The following ABCA12 variants were observed in gnomAD, a reference collection of about 807,000 sequenced individuals.
ABCA12 encodes the protein glucosylceramide transporter ABCA12.
A neutral mutation model predicts 293.5 loss-of-function variants in ABCA12; 156 were observed. That is an observed-to-expected ratio of 0.53 (90% CI 0.47 to 0.61). ABCA12 has a LOEUF of 0.61. ABCA12 is among the 20% of genes least tolerant of loss of function. The pLI, the probability that ABCA12 is intolerant of heterozygous loss-of-function variation, is 0.00. For synonymous variants in ABCA12, 1,063 were observed against 1,108.0 expected (o/e 0.96, Z 0.81); for missense variants, 2,797 against 3,090.2 (o/e 0.91, Z 2.25).
intron 19 of ABCA12, among the ~76,000 whole-genome samples, chr2:215,007,001 G>A (rs982303787): frequency 1.4e-5 from 2 of 148,088 alleles, no homozygotes; most frequent in African/African-American, 2.5e-5. Flanking sequence ...TCAGCCTCCC[G>A]AGTAATTGGG....
chr2:214,945,229 T>C, intron 48 of ABCA12, 125 bp from the exon 49 acceptor site: 1 of 762,130 alleles, frequency 1.3e-6, no homozygotes, highest in Non-Finnish European at 2.2e-6. Context: ...GACTAACTTG[T>C]TTTATACTTA....
intron 50 of ABCA12, among the ~76,000 whole-genome samples, chr2:214,939,764 G>A (rs1471736438): frequency 2.0e-5 from 3 of 151,938 alleles, no homozygotes; most frequent in Non-Finnish European, 4.4e-5. Context: ...GGTTCTGTTT[G>A]TCTATTATTG....
chr2:214,968,892 C>CTTT, intron 37 of ABCA12, 85 bp from the exon 38 acceptor site: 1 of 1,169,008 alleles, frequency 8.6e-7, no homozygotes, highest in Non-Finnish European at 1.3e-6. Context: ...AGGAGCTCAA[C>CTTT]TTTTTGTTTC....
In ABCA12 at chr2:214,932,649, G is replaced by A. The variant is rs1698094916; in HGVS notation, c.7773C>T (p.Asp2591=). The A allele has an allele frequency of 1.2e-6, 2 of 1,612,448 alleles. No homozygotes were observed. Among genetic ancestry groups the A allele is most frequent in the African/African-American group, 2.7e-5 (2 of 74,848 alleles). ...GCTGGAAGTGTTAAGACTCCATCTG[G>A]TCATCTTGTGAGTCAACACTTATAG... ...GSTISVDSQD[D]QMES Residue 2591 remains aspartate (D), a synonymous_variant, in exon 53 of 53, where the codon GAC becomes GAT. Transcript: ENST00000272895.
chr2:214,960,658 T>C (rs1054316123), intron 39 of ABCA12: 3 of 152,102 alleles, frequency 2.0e-5, no homozygotes, highest in Non-Finnish European at 4.4e-5. Flanking sequence ...ACATATAATG[T>C]ATATTAAAAA....
chr2:214,932,602 G>GTCAC lies in ABCA12; in HGVS notation c.*28_*31dup, dbSNP rs1221286957. 6.7e-7 allele frequency: 1 copy of GTCAC among 1,493,760 alleles called. No individual in the cohort carries two copies. Among genetic ancestry groups the GTCAC allele is most frequent in the Non-Finnish European group, 9.3e-7 (1 of 1,071,066 alleles). The allele number at this position is 1,493,760 out of a possible 1,614,324, so 92.5% of individuals were successfully genotyped here. A position where few individuals can be genotyped will look rare whatever the true frequency, so the allele number is the denominator to read the frequency against. On this transcript the variant is annotated 3_prime_UTR_variant, in exon 53 of 53. Transcript: ENST00000272895. Reference sequence around the variant, plus strand: ...GCTTTTCTTCAAAATGAAGCCATTGGTCACACGCTGAGATTGAGTTTGCTG... The same window carrying GTCAC: ...GCTTTTCTTCAAAATGAAGCCATTGGTCACTCACACGCTGAGATTGAGTTTGCTG...
At chr2:214,945,856 G>A (rs574450718) in intron 48 of ABCA12, among the ~76,000 whole-genome samples, 2 of 152,222 alleles carry the variant, frequency 1.3e-5, no homozygotes, top group East Asian at 3.9e-4. Flanking sequence ...AAAGGAATGG[G>A]TTATGTGGAA....
intron 6 of ABCA12, among the ~76,000 whole-genome samples, chr2:215,046,226 G>T (rs1191563617): frequency 1.3e-5 from 2 of 151,860 alleles, no homozygotes; most frequent in Non-Finnish European, 2.9e-5. Context: ...TGTAACTCCA[G>T]AAATTGGCAT....
At chr2:214,971,895 G>C (rs1159910340) in intron 36 of ABCA12, among the ~76,000 whole-genome samples, 2 of 152,132 alleles carry the variant, frequency 1.3e-5, no homozygotes, top group Non-Finnish European at 2.9e-5. Context: ...AGTTCTGGTT[G>C]CTGCATATTT....
intron 1 of ABCA12, among the ~76,000 whole-genome samples, chr2:215,112,029 C>G (rs1702580987): frequency 6.6e-6 from 1 of 152,096 alleles, no homozygotes; most frequent in South Asian, 2.1e-4. Flanking sequence ...TTTCCCACTT[C>G]CCTATTGGAT....
chr2:215,060,433 A>G (rs1177152245), intron 3 of ABCA12, among the ~76,000 whole-genome samples: 4 of 151,914 alleles, frequency 2.6e-5, no homozygotes, highest in Non-Finnish European at 5.9e-5. Flanking sequence ...TTTCACTTTT[A>G]TCAATTTTAT....
In ABCA12 at chr2:214,978,474, GAGA is replaced by G; in HGVS notation, c.4978-11_4978-9del. The G allele has an allele frequency of 1.9e-6, 3 of 1,612,792 alleles. No individual in the cohort carries two copies. Among genetic ancestry groups the G allele is most frequent in the Non-Finnish European group, 2.5e-6 (3 of 1,179,316 alleles). The stretch of plus-strand genomic sequence containing the variant: ...GGTCAAGTTCAGAAAGACCTAGAAA[GAGA>G]AGCCAGATCACTTCATTAACATGAA... On this transcript the variant is annotated splice_polypyrimidine_tract_variant and intron_variant, in intron 32 of 52. Transcript: ENST00000272895.
At chr2:215,118,858 A>G (rs139092589) in intron 1 of ABCA12, among the ~76,000 whole-genome samples, 77 of 152,194 alleles carry the variant, frequency 5.1e-4, no homozygotes, top group Middle Eastern at 3.4e-3. Context: ...AAATGGGATT[A>G]TTTGTTTTTT....
In ABCA12 at chr2:214,975,901, G is replaced by A. The variant is rs762883789; in HGVS notation, c.5265C>T (p.Ile1755=). The change falls in exon 34 of 53, where the codon ATC becomes ATT. Residue 1755 remains isoleucine, a synonymous_variant. Coordinates refer to ENST00000272895, the MANE Select transcript of ABCA12 (RefSeq NM_173076.3). The stretch of plus-strand genomic sequence containing the variant: ...GGCCCATGGCAGTGGTAACAAAGAC[G>A]ATGGGGAGGATAACCTGAGCAATGA... ...KGLIAQVILP[I]VFVTTAMGLG... 5.0e-6 allele frequency: 8 copies of A among 1,614,108 alleles called. No homozygotes were observed. In the Admixed American group the frequency reaches 1.0e-4, roughly 20 times the overall value.
At chr2:214,938,257 T>TA (rs1401771084) in intron 50 of ABCA12, among the ~76,000 whole-genome samples, 1 of 152,184 alleles carries the variant, frequency 6.6e-6, no homozygotes, top group Non-Finnish European at 1.5e-5. Flanking sequence ...TTTCCAGCTT[T>TA]ATCCATGTCC....
In ABCA12 at chr2:214,982,453, C is replaced by A. The variant is rs4610055; in HGVS notation, c.4383-70G>T. On this transcript the variant is annotated intron_variant, in intron 29 of 52. Coordinates refer to ENST00000272895, the MANE Select transcript of ABCA12 (RefSeq NM_173076.3). ...TTTGAGTACTGGAAACATACAATAA[C>A]CCTAATTGATATGTATTCACTAGGT... The A allele has an allele frequency of 0.86, 1,126,496 of 1,315,100 alleles. 494,836 individuals are homozygous for A. Among genetic ancestry groups the A allele is most frequent in the East Asian group, 0.95 (41,065 of 43,212 alleles). The allele number at this position is 1,315,100 out of a possible 1,614,324, so 81.5% of individuals were successfully genotyped here.
chr2:215,034,629 C>T (rs1477333874), intron 8 of ABCA12, among the ~76,000 whole-genome samples: 3 of 152,128 alleles, frequency 2.0e-5, no homozygotes, highest in Non-Finnish European at 2.9e-5. Flanking sequence ...CTCCTGGGGC[C>T]TAGATTTGGA....
intron 2 of ABCA12, among the ~76,000 whole-genome samples, chr2:215,067,317 A>G (rs777035539): frequency 5.3e-5 from 8 of 152,160 alleles, no homozygotes; most frequent in African/African-American, 9.6e-5. Flanking sequence ...CAGCAAGCAT[A>G]GGAATTGCAA....
chr2:215,077,172 G>C (rs913523446), intron 2 of ABCA12, among the ~76,000 whole-genome samples: 3 of 152,098 alleles, frequency 2.0e-5, no homozygotes, highest in African/African-American at 7.2e-5. Context: ...CAAAATATTA[G>C]AGTCTGATAA....
Sources: allele counts gnomAD v4.1 joint callset (sites outside exome capture counted in the v4.1 genomes callset), GRCh38; gene constraint gnomAD v4.1.1; transcripts MANE v1.5; gene names NCBI Gene and HGNC (gene_info 2026-07-23, HGNC 2026-07-21).